Variants in NBEA observed in about 807,000 individuals in gnomAD.
The protein encoded by NBEA is neurobeachin, also known as lysosomal-trafficking regulator 2.
Under a neutral mutation model 343.4 loss-of-function variants are expected in NBEA, and 44 were observed. The ratio of observed to expected loss-of-function variants is 0.13; its 90% CI spans 0.10 to 0.16. The LOEUF (loss-of-function observed/expected upper bound fraction) is 0.16, where lower values mean the gene tolerates loss of function less well. Among genes scored for constraint, NBEA ranks in the 10% least tolerant of loss-of-function variants. The probability of loss-of-function intolerance (pLI) is 1.00; values close to 1 mark genes in which losing one functional copy is unlikely to be tolerated. For missense variants in NBEA, 2,555 were observed against 3,631.3 expected, an observed-to-expected ratio of 0.70 and a Z score of 7.62; for synonymous variants, 1,175 against 1,238.7, an observed-to-expected ratio of 0.95 and a Z score of 1.08.
intron 36 of NBEA, among the ~76,000 whole-genome samples, chr13:35,347,002 C>T (rs1054007594): frequency 5.9e-5 from 9 of 152,060 alleles, no homozygotes; most frequent in African/African-American, 2.2e-4. Flanking sequence ...ATTAAAACTT[C>T]ATGTTTTGTA....
rs372829753 is a variant in NBEA, at chr13:35,218,319, TTTAA to T, written c.5648+7143_5648+7146del. On this transcript the variant is annotated intron_variant, in intron 33 of 58. Coordinates refer to ENST00000379939, the MANE Select transcript of NBEA (RefSeq NM_001385012.1). ...GATTTCTTTTATAAATTTTAATTCT[TTTAA>T]TTGTTTCCCTTTCAGTATGTTGACA... Among the ~76,000 whole-genome samples the T allele has an allele frequency of 1.8e-4, 28 of 152,256 alleles. No homozygotes were observed. The East Asian group carries it at 4.6e-3, about 25-fold the overall frequency.
intron 3 of NBEA, 116 bp downstream of exon 3, chr13:35,045,163 T>G (rs988495610): frequency 8.2e-7 from 1 of 1,219,874 alleles, no homozygotes; most frequent in African/African-American, 1.5e-5. Context: ...GCTTTCTTCT[T>G]AAATGATTTA....
chr13:35,460,326 T>G (rs2046830620), intron 40 of NBEA, among the ~76,000 whole-genome samples: 1 of 152,216 alleles, frequency 6.6e-6, no homozygotes. Context: ...TTTTTCTCTC[T>G]TTGAATGAGG....
intron 36 of NBEA, among the ~76,000 whole-genome samples, chr13:35,318,658 A>G (rs986845209): frequency 2.0e-5 from 3 of 152,180 alleles, no homozygotes; most frequent in African/African-American, 7.2e-5. Context: ...ACTGTTTGGA[A>G]TAGTTTCAGA....
chr13:35,030,675 G>A (rs1490382314), intron 1 of NBEA, among the ~76,000 whole-genome samples: 2 of 151,454 alleles, frequency 1.3e-5, no homozygotes, highest in Non-Finnish European at 3.0e-5. Context: ...CCTAATCTTG[G>A]GATGATATTT....
intron 34 of NBEA, among the ~76,000 whole-genome samples, chr13:35,287,147 G>T (rs913541439): frequency 5.9e-5 from 9 of 151,938 alleles, no homozygotes; most frequent in Admixed American, 3.3e-4. Context: ...TACATCCCAG[G>T]TGTTCATTTT....
At chr13:35,005,007 T>C (rs182709954) in intron 1 of NBEA, among the ~76,000 whole-genome samples, 379 of 152,286 alleles carry the variant, frequency 2.5e-3, no homozygotes, top group Middle Eastern at 6.8e-3. Flanking sequence ...TTATTTATTA[T>C]ATATTATAAT....
chr13:35,443,084 T>A (rs1199315078), intron 39 of NBEA, among the ~76,000 whole-genome samples: 2 of 152,120 alleles, frequency 1.3e-5, no homozygotes, highest in Non-Finnish European at 2.9e-5. Flanking sequence ...ATAACTAATC[T>A]GAATAAAAAT....
chr13:35,200,155 T>C (rs1318904508), intron 31 of NBEA, among the ~76,000 whole-genome samples: 5 of 152,018 alleles, frequency 3.3e-5, no homozygotes, highest in Non-Finnish European at 5.9e-5. Context: ...AATTCTTAAA[T>C]CAAGTTGCCA....
At chr13:35,416,822 C>T (rs554199862) in intron 38 of NBEA, among the ~76,000 whole-genome samples, 3 of 152,084 alleles carry the variant, frequency 2.0e-5, no homozygotes, top group African/African-American at 7.2e-5. Context: ...TTACCAGCTC[C>T]TCTTTGTACC....
chr13:35,072,516 A>C (rs980812533), intron 10 of NBEA, among the ~76,000 whole-genome samples: 1 of 151,496 alleles, frequency 6.6e-6, no homozygotes, highest in South Asian at 2.1e-4. Context: ...ACTAATTCCA[A>C]CCTTTTCAGT....
At chr13:35,181,067 CA>C (rs2152729935) in intron 28 of NBEA, among the ~76,000 whole-genome samples, 1 of 151,990 alleles carries the variant, frequency 6.6e-6, no homozygotes, top group East Asian at 1.9e-4. Flanking sequence ...TTTATCCACT[CA>C]TTGATTGATG....
intron 34 of NBEA, among the ~76,000 whole-genome samples, chr13:35,260,717 TGG>T (rs1313596310): frequency 6.6e-6 from 1 of 152,192 alleles, no homozygotes; most frequent in Non-Finnish European, 1.5e-5. Context: ...TCCACAAGAC[TGG>T]GTAAAATATG....
At chr13:35,440,454 G>A (rs2322664) in intron 39 of NBEA, among the ~76,000 whole-genome samples, 92,699 of 152,088 alleles carry the variant, frequency 0.61, 31,412 homozygotes, top group Non-Finnish European at 0.75. Context: ...AAAATGTTAT[G>A]GGAGCTCAGT....
At chr13:35,188,334 T>C (rs2071885379) in intron 30 of NBEA, among the ~76,000 whole-genome samples, 1 of 152,050 alleles carries the variant, frequency 6.6e-6, no homozygotes, top group African/African-American at 2.4e-5. Context: ...ATAGTCACCA[T>C]GCTGGAAAAT....
chr13:34,943,347 A>C (rs964071033), intron 1 of NBEA, among the ~76,000 whole-genome samples: 1 of 151,992 alleles, frequency 6.6e-6, no homozygotes, highest in Non-Finnish European at 1.5e-5. Context: ...GCAGTGCCCA[A>C]CTTAACACCG....
At chr13:35,117,998 T>C (rs1439039113) in intron 14 of NBEA, among the ~76,000 whole-genome samples, 4 of 152,002 alleles carry the variant, frequency 2.6e-5, no homozygotes, top group Non-Finnish European at 5.9e-5. Flanking sequence ...CTTTTTATAG[T>C]GAATGTCAAT....
intron 34 of NBEA, among the ~76,000 whole-genome samples, chr13:35,234,031 C>A (rs1179252317): frequency 6.6e-6 from 1 of 152,100 alleles, no homozygotes; most frequent in East Asian, 1.9e-4. Flanking sequence ...ATAGTCAGTA[C>A]ATTGGCCCTA....
chr13:35,111,904 A>AAC (rs2066228873), intron 13 of NBEA, among the ~76,000 whole-genome samples: 2 of 150,762 alleles, frequency 1.3e-5, no homozygotes, highest in Non-Finnish European at 3.0e-5. Context: ...AAGGAAAAAT[A>AAC]ACACTTTCCT....
Sources: gnomAD v4.1 joint callset for allele counts (sites outside exome capture counted in the v4.1 genomes callset) on GRCh38, gnomAD v4.1.1 for gene constraint, MANE v1.5 for transcripts, NCBI Gene and HGNC (gene_info 2026-07-23, HGNC 2026-07-21) for gene names.